KANK4: variants seen among roughly 807,000 people sequenced by gnomAD.
KANK4 encodes the protein KN motif and ankyrin repeat domain-containing protein 4.
A neutral mutation model predicts 80.8 loss-of-function variants in KANK4; 50 were observed. The observed-to-expected ratio is 0.62, with a 90% CI of 0.49 to 0.78. The LOEUF is 0.78. Ranked by LOEUF, KANK4 falls within the 30% of genes least tolerant of loss-of-function variation. The probability of loss-of-function intolerance (pLI) is 0.00; values close to 1 mark genes in which losing one functional copy is unlikely to be tolerated. For synonymous variants in KANK4, 465 were observed against 506.9 expected, an observed-to-expected ratio of 0.92 and a Z score of 1.11; for missense variants, 1,196 against 1,240.1, an observed-to-expected ratio of 0.96 and a Z score of 0.53.
At chr1:62,241,476 G>T (rs1671340440) in intron 9 of KANK4, among the ~76,000 whole-genome samples, 1 of 152,160 alleles carries the variant, frequency 6.6e-6, no homozygotes, top group Non-Finnish European at 1.5e-5. Context: ...TTCTATGCTC[G>T]TATTTGTGAG....
At chr1:62,297,384 T>C (rs1205320681) in intron 1 of KANK4, among the ~76,000 whole-genome samples, 1 of 152,230 alleles carries the variant, frequency 6.6e-6, no homozygotes, top group Non-Finnish European at 1.5e-5. Context: ...GGTGCTATTA[T>C]ATCCTTTTCA....
At chr1:62,293,864 C>T (rs1007423155) in intron 1 of KANK4, among the ~76,000 whole-genome samples, 2 of 152,150 alleles carry the variant, frequency 1.3e-5, no homozygotes, top group Non-Finnish European at 2.9e-5. Flanking sequence ...AGACCCACCT[C>T]CCCAAGATTG....
At chr1:62,278,022 T>C (rs974468316) in intron 2 of KANK4, among the ~76,000 whole-genome samples, 1 of 151,920 alleles carries the variant, frequency 6.6e-6, no homozygotes, top group Non-Finnish European at 1.5e-5. Context: ...AAAGATAAAA[T>C]TGGAAAGGAC....
chr1:62,274,385 T>C lies in KANK4; in HGVS notation c.719A>G (p.Lys240Arg), dbSNP rs748594174. 2 of 1,614,166 alleles carry C rather than the reference T, an allele frequency of 1.2e-6. No homozygotes were observed. Among genetic ancestry groups the C allele is most frequent in the Non-Finnish European group, 1.7e-6 (2 of 1,180,010 alleles). ...EGAEPPEGVV[K>R]VPNHLPLPGP... ...TGGGAGAGGGAGGTGATTTGGAACC[T>C]TCACCACACCCTCTGGAGGCTCAGC... is the stretch of plus-strand genomic sequence containing the variant. Residue 240 changes from lysine (K) to arginine (R), a missense_variant, in exon 3 of 10, where the codon AAG becomes AGG. By Grantham distance (26) the Lys-to-Arg change is conservative (BLOSUM62 2). Coordinates refer to ENST00000371153, the MANE Select transcript of KANK4 (RefSeq NM_181712.5).
chr1:62,278,885 A>C (rs1672384784), intron 2 of KANK4, among the ~76,000 whole-genome samples: 1 of 152,196 alleles, frequency 6.6e-6, no homozygotes, highest in African/African-American at 2.4e-5. Context: ...AGGACAGGCC[A>C]AACAGAGAAG....
At position 62,274,514 on chromosome 1, in the gene KANK4, C is replaced by A; in HGVS notation, c.590G>T (p.Gly197Val). ...PPALPPLQGE[G>V]SVCDGTFEPA... ...TTCAAAGGTGCCATCACAGACACTG[C>A]CTTCACCCTGAAGGGGAGGGAGGGC... The change falls in exon 3 of 10, where the codon GGC becomes GTC. Residue 197 changes from glycine to valine, a missense_variant. By Grantham distance (109) the Gly-to-Val change is moderately radical. This residue lies in a region of KANK4 where 1,154 missense variants were observed against 1,179.6 expected (regional missense o/e 0.98). Coordinates refer to ENST00000371153, the MANE Select transcript of KANK4 (RefSeq NM_181712.5). The A allele has an allele frequency of 4.3e-6, 7 of 1,614,216 alleles. No homozygotes were observed. Among genetic ancestry groups the A allele is most frequent in the Non-Finnish European group, 5.9e-6 (7 of 1,180,038 alleles).
chr1:62,242,040 C>A (rs999180871), intron 9 of KANK4, among the ~76,000 whole-genome samples: 1 of 152,080 alleles, frequency 6.6e-6, no homozygotes. Context: ...ATGCCTCTGC[C>A]AGAACTCTGG....
intron 1 of KANK4, among the ~76,000 whole-genome samples, chr1:62,291,217 C>CT (rs1672671950): frequency 1.3e-5 from 2 of 152,238 alleles, no homozygotes; most frequent in South Asian, 4.2e-4. Context: ...TGCTTATTGG[C>CT]TTTTGTATAT....
intron 1 of KANK4, among the ~76,000 whole-genome samples, chr1:62,292,866 G>C (rs930170280): frequency 1.3e-5 from 2 of 152,168 alleles, no homozygotes; most frequent in African/African-American, 4.8e-5. Flanking sequence ...CCTTGGGCAA[G>C]TTAACTAACT....
At chr1:62,239,822 T>TG (rs1250232372) in intron 9 of KANK4, among the ~76,000 whole-genome samples, 2 of 152,200 alleles carry the variant, frequency 1.3e-5, no homozygotes, top group Non-Finnish European at 2.9e-5. Context: ...GCTTCATCCA[T>TG]GTCCCTACAA....
intron 7 of KANK4, among the ~76,000 whole-genome samples, chr1:62,254,949 G>A (rs1184014094): frequency 1.5e-5 from 2 of 136,632 alleles, no homozygotes; most frequent in Non-Finnish European, 1.5e-5. Flanking sequence ...GCAGTGGCGC[G>A]ATCTTGGTTC....
intron 5 of KANK4, among the ~76,000 whole-genome samples, chr1:62,267,978 C>T (rs1176523429): frequency 6.6e-6 from 1 of 152,134 alleles, no homozygotes; most frequent in Non-Finnish European, 1.5e-5. Flanking sequence ...GTCACAATAA[C>T]TTCTGTCCTG....
At chr1:62,293,340 C>T (rs568242821) in intron 1 of KANK4, among the ~76,000 whole-genome samples, 5 of 152,050 alleles carry the variant, frequency 3.3e-5, no homozygotes, top group Admixed American at 2.6e-4. Context: ...GATGATCTAC[C>T]GGCCTCGGCT....
At chr1:62,282,062 C>A (rs144360769) in intron 1 of KANK4, among the ~76,000 whole-genome samples, 1 of 151,972 alleles carries the variant, frequency 6.6e-6, no homozygotes, top group Non-Finnish European at 1.5e-5. Flanking sequence ...ATCCACTTTG[C>A]GAAAAAGCTG....
chr1:62,238,411 A>G (rs780002485), intron 9 of KANK4, 30 bp from the exon 10 acceptor site: 13 of 1,592,346 alleles, frequency 8.2e-6, no homozygotes, highest in African/African-American at 5.4e-5. Context: ...GAAGAAATAA[A>G]TATCATCCAA....
chr1:62,249,803 A>G (rs946569241), intron 8 of KANK4, among the ~76,000 whole-genome samples: 4 of 151,926 alleles, frequency 2.6e-5, no homozygotes, highest in African/African-American at 7.2e-5. Flanking sequence ...TCGGCCTCCC[A>G]AAGTGCTGGG....
At position 62,274,903 on chromosome 1, in the gene KANK4, G is replaced by A; in HGVS notation, c.201C>T (p.Ser67=). The A allele has an allele frequency of 1.9e-6, 3 of 1,614,182 alleles. No individual in the cohort carries two copies. The highest frequency in any genetic ancestry group is 2.2e-5 in the East Asian group (1 of 44,870). Residue 67 remains serine, a synonymous_variant, in exon 3 of 10, where the codon AGC becomes AGT. Transcript: ENST00000371153. The stretch of plus-strand genomic sequence containing the variant: ...GAAGGCTGAAGTTTCGGGGCAGAGT[G>A]CTAAATTTGGCCTGCTTGGCCCTTC... The part of the protein sequence containing the change: ...IHRRAKQAKF[S]TLPRNFSLPD...
rs578075669 is a variant in KANK4 at position 62,319,421 on chromosome 1, G to T, written c.-386C>A. ...AGCTGCCAACAGCGCCCGAGTCCCC[G>T]CCTTCGCTAGGGGAGAAAAAAAAGA... On this transcript the variant is annotated 5_prime_UTR_variant, in exon 1 of 10. Coordinates refer to ENST00000371153, the MANE Select transcript of KANK4 (RefSeq NM_181712.5). The T allele has an allele frequency of 6.6e-6, 1 of 151,978 alleles. No homozygotes were observed. The highest frequency in any genetic ancestry group is 2.4e-5 in the African/African-American group (1 of 41,400). The allele number at this position is 151,978 out of a possible 1,614,324, so 9.4% of individuals were successfully genotyped here.
At chr1:62,249,383 TA>T (rs1671555261) in intron 8 of KANK4, among the ~76,000 whole-genome samples, 1 of 147,986 alleles carries the variant, frequency 6.8e-6, no homozygotes, top group Non-Finnish European at 1.5e-5. Flanking sequence ...TATATACATG[TA>T]TTTTTTTTTT....
Sources: gnomAD v4.1 joint callset for allele counts (sites outside exome capture counted in the v4.1 genomes callset) on GRCh38, gnomAD v4.1.1 for gene constraint, gnomAD v4.1.1 regional missense constraint, MANE v1.5 for transcripts, NCBI Gene and HGNC (gene_info 2026-07-23, HGNC 2026-07-21) for gene names.